The following DRG2 variants were observed in gnomAD, a reference collection of about 807,000 sequenced individuals.
DRG2 encodes the protein developmentally-regulated GTP-binding protein 2.
A neutral mutation model predicts 53.4 loss-of-function variants in DRG2; 36 were observed. The ratio of observed to expected loss-of-function variants is 0.67; its 90% CI spans 0.52 to 0.89. The LOEUF (loss-of-function observed/expected upper bound fraction) is 0.89. Among genes scored for constraint, DRG2 ranks in the 40% least tolerant of loss-of-function variants. DRG2 has a pLI of 0.00. For synonymous variants in DRG2, 167 were observed against 192.1 expected, an observed-to-expected ratio of 0.87 and a Z score of 1.08; for missense variants, 342 against 481.2, an observed-to-expected ratio of 0.71 and a Z score of 2.71.
chr17:18,101,768 G>A (rs989895775), intron 8 of DRG2, among the ~76,000 whole-genome samples, 153 bp from the exon 9 acceptor site: 1 of 152,214 alleles, frequency 6.6e-6, no homozygotes, highest in Non-Finnish European at 1.5e-5. Context: ...CAGGGTTCCA[G>A]CCCAGCCTTC....
In DRG2 at chr17:18,107,268, T is replaced by C; in HGVS notation, c.*28T>C. On this transcript the variant is annotated 3_prime_UTR_variant, in exon 13 of 13. Coordinates refer to ENST00000225729, the MANE Select transcript of DRG2 (RefSeq NM_001388.5). ...GCGCCTGCCGGGCCTCCCGCCCACCTGCCTCGTCTCCCTGGGGAGGTGGTC... is the reference window on the plus strand; with the variant it reads ...GCGCCTGCCGGGCCTCCCGCCCACCCGCCTCGTCTCCCTGGGGAGGTGGTC... The C allele has an allele frequency of 6.2e-7, 1 of 1,608,796 alleles. No homozygotes were observed. Among genetic ancestry groups the C allele is most frequent in the South Asian group, 1.1e-5 (1 of 90,920 alleles).
rs768369628 is a variant in DRG2 at position 18,093,934 on chromosome 17, T to C, written c.186T>C (p.Asp62=). 6.2e-7 allele frequency: 1 copy of C among 1,614,218 alleles called. No homozygotes were observed. Among genetic ancestry groups the C allele is most frequent in the Non-Finnish European group, 8.5e-7 (1 of 1,180,036 alleles). The change falls in exon 2 of 13, where the codon GAT becomes GAC. Residue 62 remains aspartate, a synonymous_variant. Transcript: ENST00000225729. ...GCTTTGATGTCATGAAGTCGGGTGATGCCCGTGTGGCGCTGATTGGATTTC... is the reference window on the plus strand; with the variant it reads ...GCTTTGATGTCATGAAGTCGGGTGACGCCCGTGTGGCGCTGATTGGATTTC... The part of the protein sequence containing the change: ...GEGFDVMKSG[D]ARVALIGFPS...
intron 8 of DRG2, 46 bp from the exon 9 acceptor site, chr17:18,101,875 G>C (rs768429893): frequency 6.3e-7 from 1 of 1,577,308 alleles, no homozygotes; most frequent in South Asian, 1.1e-5. Flanking sequence ...TTTCCTGGAT[G>C]CCTTGCTCCT....
Position 18,099,584 on chromosome 17 carries a change from GC to G in DRG2, c.377-48del. 2 of 1,557,866 alleles carry G rather than the reference GC, an allele frequency of 1.3e-6. No homozygotes were observed. The highest frequency in any genetic ancestry group is 1.7e-6 in the Non-Finnish European group (2 of 1,149,046). On this transcript the variant is annotated intron_variant, in intron 4 of 12. Transcript: ENST00000225729. This position sits in a 1 kb window ranked among gnomAD's most constrained non-coding sequence, Gnocchi z 4.4. ...AGTCCAGGGCGCCGTGGGCTGGGTA[GC>G]AGTCACATGGGTCCACATATGTAAC...
chr17:18,100,460 G>T lies in DRG2; in HGVS notation c.540+25G>T, dbSNP rs377508154. On this transcript the variant is annotated intron_variant, in intron 6 of 12. Transcript: ENST00000225729. The surrounding 1 kb of genome is among the most constrained non-coding windows in gnomAD (Gnocchi z 4.1). ...GGTGAGGCACCTCTCTGGCCTTCAG[G>T]CCAGGGGTGTGGCAGTTTTGAGACT... 6 of 1,614,134 alleles carry T rather than the reference G, an allele frequency of 3.7e-6. No individual in the cohort carries two copies. The highest frequency in any genetic ancestry group is 2.7e-5 in the African/African-American group (2 of 74,952).
At chr17:18,105,928 T>C (rs1597732145) in intron 11 of DRG2, 1 of 163,590 alleles carries the variant, frequency 6.1e-6, no homozygotes, top group Admixed American at 5.7e-5. Context: ...CAGTTTTATA[T>C]GACATCTGGG....
intron 1 of DRG2, among the ~76,000 whole-genome samples, chr17:18,089,104 G>A (rs1048727972): frequency 7.2e-5 from 11 of 152,116 alleles, no homozygotes; most frequent in African/African-American, 2.7e-4. Context: ...AGGCCAAGGA[G>A]TTGAGGGCCC....
At chr17:18,091,588 G>A (rs925950969) in intron 1 of DRG2, among the ~76,000 whole-genome samples, 4 of 151,824 alleles carry the variant, frequency 2.6e-5, no homozygotes, top group African/African-American at 9.7e-5. Flanking sequence ...CTTTGTTGGT[G>A]GCTCACACCT....
chr17:18,090,720 A>C (rs938114501), intron 1 of DRG2, among the ~76,000 whole-genome samples: 4 of 148,608 alleles, frequency 2.7e-5, no homozygotes, highest in African/African-American at 1.0e-4. Context: ...TTTTTTGTAG[A>C]GGCACGGTCT....
chr17:18,100,634 G>A lies in DRG2; in HGVS notation c.606G>A (p.Leu202=). The A allele has an allele frequency of 1.2e-6, 2 of 1,614,132 alleles. No individual in the cohort carries two copies. The highest frequency in any genetic ancestry group is 2.2e-5 in the South Asian group (2 of 91,072). ...CGCTGACCCAGTGCTCGGAAAAGCTGGTGCAGCTCATCCTGCACGAATACA... is the reference window on the plus strand; with the variant it reads ...CGCTGACCCAGTGCTCGGAAAAGCTAGTGCAGCTCATCCTGCACGAATACA... ...TVTLTQCSEK[L]VQLILHEYKI... The change falls in exon 7 of 13, where the codon CTG becomes CTA. Residue 202 remains leucine, a synonymous_variant. Transcript: ENST00000225729. This position sits in a 1 kb window ranked among gnomAD's most constrained non-coding sequence, Gnocchi z 4.1.
chr17:18,095,348 T>TTGCAGGG (rs1463315379), intron 2 of DRG2: 1 of 151,046 alleles, frequency 6.6e-6, no homozygotes, highest in Non-Finnish European at 1.5e-5. Flanking sequence ...ATAAACATCA[T>TTGCAGGG]TGCAGGGTTT....
Position 18,103,888 on chromosome 17 carries a change from A to G in DRG2, c.894A>G (p.Gly298=). 1 of 1,613,970 alleles carries G rather than the reference A, an allele frequency of 6.2e-7. No homozygotes were observed. Among genetic ancestry groups the G allele is most frequent in the African/African-American group, 1.3e-5 (1 of 75,042 alleles). Residue 298 remains glycine (G), a splice_region_variant and synonymous_variant, in exon 10 of 13, where the codon GGA becomes GGG. Coordinates refer to ENST00000225729, the MANE Select transcript of DRG2 (RefSeq NM_001388.5). The surrounding 1 kb of genome is among the most constrained non-coding windows in gnomAD (Gnocchi z 4.4). The part of the protein sequence containing the change: ...ALTCIYTKKR[G]QRPDFTDAII... ...CCTGCATCTACACCAAGAAGAGAGG[A>G]CGTGAGTTGCACTGCGCGTAGCTGA...
At chr17:18,092,086 G>T (rs1275769683) in intron 1 of DRG2, 1 of 152,200 alleles carries the variant, frequency 6.6e-6, no homozygotes, top group East Asian at 1.9e-4. Flanking sequence ...TAAGGAGCCA[G>T]TTCCAGGAAG....
At chr17:18,094,100 C>A in intron 2 of DRG2, 127 bp downstream of exon 2, 1 of 1,298,422 alleles carries the variant, frequency 7.7e-7, no homozygotes, top group Non-Finnish European at 1.0e-6. Context: ...TGGCCTCCCC[C>A]AGGGTCAGAT....
At chr17:18,094,274 A>G in intron 2 of DRG2, 1 of 276,962 alleles carries the variant, frequency 3.6e-6, no homozygotes, top group East Asian at 7.3e-5. Context: ...GAGACATAGC[A>G]TGAATGAGAC....
chr17:18,093,440 T>A (rs1204706362), intron 1 of DRG2, among the ~76,000 whole-genome samples: 1 of 151,764 alleles, frequency 6.6e-6, no homozygotes, highest in Non-Finnish European at 1.5e-5. Context: ...TGCCTCAGCC[T>A]CCCAAATAGT....
chr17:18,090,402 A>T (rs1444597367), intron 1 of DRG2, among the ~76,000 whole-genome samples: 570 of 9,310 alleles, frequency 0.061, 87 homozygotes, highest in South Asian at 0.41. Flanking sequence ...ATATATATAT[A>T]TATATTTTTT....
intron 12 of DRG2, 86 bp downstream of exon 12, chr17:18,106,572 G>A: frequency 6.8e-7 from 1 of 1,471,302 alleles, no homozygotes; most frequent in Non-Finnish European, 9.5e-7. Context: ...CACACTCTCT[G>A]CGTGGTGTTC....
Position 18,099,552 on chromosome 17 carries a change from G to A in DRG2, c.377-81G>A. 7.0e-7 allele frequency: 1 copy of A among 1,430,904 alleles called. No individual in the cohort carries two copies. Among genetic ancestry groups the A allele is most frequent in the Non-Finnish European group, 9.6e-7 (1 of 1,037,270 alleles). The allele number at this position is 1,430,904 out of a possible 1,614,324, so 88.6% of individuals were successfully genotyped here. A position where few individuals can be genotyped will look rare whatever the true frequency, so the allele number is the denominator to read the frequency against. ...GCAGAGGCTGTGGTAGGTCTGTAAA[G>A]GACAGGAGTCCAGGGCGCCGTGGGC... is the stretch of plus-strand genomic sequence containing the variant. On this transcript the variant is annotated intron_variant, in intron 4 of 12. Transcript: ENST00000225729. The surrounding 1 kb of genome is among the most constrained non-coding windows in gnomAD (Gnocchi z 4.4).
Sources: allele counts gnomAD v4.1 joint callset (sites outside exome capture counted in the v4.1 genomes callset), GRCh38; gene constraint gnomAD v4.1.1; non-coding constraint Gnocchi (gnomAD v3.1); transcripts MANE v1.5; gene names NCBI Gene and HGNC (gene_info 2026-07-23, HGNC 2026-07-21).